Variants in CYB5A observed in about 807,000 individuals in gnomAD.
CYB5A encodes the protein cytochrome b5 type A.
A neutral mutation model predicts 16.2 loss-of-function variants in CYB5A; 10 were observed. The observed-to-expected ratio is 0.62, with a 90% CI of 0.38 to 1.04. The LOEUF (loss-of-function observed/expected upper bound fraction) is 1.04. CYB5A is among the 50% of genes least tolerant of loss of function. The pLI is 0.01. For missense variants in CYB5A, 161 were observed against 165.9 expected, an observed-to-expected ratio of 0.97 and a Z score of 0.16; for synonymous variants, 62 against 57.0, an observed-to-expected ratio of 1.09 and a Z score of -0.40.
intron 1 of CYB5A, among the ~76,000 whole-genome samples, chr18:74,267,009 A>G (rs919729908): frequency 1.3e-5 from 2 of 152,200 alleles, no homozygotes; most frequent in Admixed American, 1.3e-4. Context: ...GCTTTTTGTA[A>G]TATCTAATAT....
intron 1 of CYB5A, among the ~76,000 whole-genome samples, chr18:74,275,346 A>T (rs1982828985): frequency 6.6e-6 from 1 of 152,174 alleles, no homozygotes; most frequent in Non-Finnish European, 1.5e-5. Flanking sequence ...ATCTTCCAGA[A>T]GTCTTCCTTC....
At chr18:74,288,320 C>T (rs542920188) in intron 1 of CYB5A, among the ~76,000 whole-genome samples, 16 of 152,314 alleles carry the variant, frequency 1.1e-4, no homozygotes, top group African/African-American at 3.1e-4. Context: ...CTAGGACATT[C>T]TGAAAGAAGG....
intron 1 of CYB5A, among the ~76,000 whole-genome samples, chr18:74,269,821 C>T (rs1242272231): frequency 6.6e-6 from 1 of 152,160 alleles, no homozygotes; most frequent in Admixed American, 6.5e-5. Flanking sequence ...AGCTGGTCTC[C>T]CATCCTCCCT....
intron 1 of CYB5A, among the ~76,000 whole-genome samples, chr18:74,278,735 T>C (rs550942620): frequency 1.3e-5 from 2 of 152,348 alleles, no homozygotes; most frequent in East Asian, 3.9e-4. Flanking sequence ...CTGGCAATCA[T>C]CCTGCAGAAT....
chr18:74,281,615 G>A (rs577686609), intron 1 of CYB5A, among the ~76,000 whole-genome samples: 2 of 152,284 alleles, frequency 1.3e-5, no homozygotes, highest in South Asian at 4.1e-4. Flanking sequence ...TGGTGAACAG[G>A]TGTGGTTTAA....
chr18:74,276,574 G>A (rs1451156613), intron 1 of CYB5A, among the ~76,000 whole-genome samples: 1 of 148,140 alleles, frequency 6.8e-6, no homozygotes, highest in East Asian at 2.0e-4. Context: ...CCTTCTGTCA[G>A]GGTTCCACTT....
At chr18:74,266,365 G>A (rs1982435686) in intron 1 of CYB5A, among the ~76,000 whole-genome samples, 1 of 152,174 alleles carries the variant, frequency 6.6e-6, no homozygotes, top group Non-Finnish European at 1.5e-5. Flanking sequence ...GAACTCAGGA[G>A]CTGCCGTAAC....
chr18:74,255,964 T>G (rs1161925756), intron 3 of CYB5A, 189 bp from the exon 4 acceptor site: 6 of 582,760 alleles, frequency 1.0e-5, no homozygotes, highest in Non-Finnish European at 1.8e-5. Flanking sequence ...GAGTAAAACA[T>G]TTTAATCATT....
chr18:74,255,284 T>C (rs17804219), intron 4 of CYB5A, among the ~76,000 whole-genome samples: 16,481 of 152,180 alleles, frequency 0.11, 986 homozygotes, highest in South Asian at 0.21. Context: ...CCTAGAACAA[T>C]TGAGTCGTGC....
At chr18:74,278,635 T>A (rs1265890258) in intron 1 of CYB5A, among the ~76,000 whole-genome samples, 1 of 152,200 alleles carries the variant, frequency 6.6e-6, no homozygotes, top group Non-Finnish European at 1.5e-5. Context: ...AGAAACATCC[T>A]ATGATAAAAA....
chr18:74,285,814 G>A (rs544837785), intron 1 of CYB5A, among the ~76,000 whole-genome samples: 2 of 147,144 alleles, frequency 1.4e-5, no homozygotes, highest in East Asian at 2.0e-4. Context: ...ATCACACCAC[G>A]GCCTGGGCAA....
chr18:74,279,975 C>T (rs904337363), intron 1 of CYB5A, among the ~76,000 whole-genome samples: 1 of 152,078 alleles, frequency 6.6e-6, no homozygotes, highest in African/African-American at 2.4e-5. Flanking sequence ...CACAGAGAAG[C>T]AAAAACTAAT....
At chr18:74,269,840 T>C (rs1001925334) in intron 1 of CYB5A, among the ~76,000 whole-genome samples, 61 of 152,252 alleles carry the variant, frequency 4.0e-4, no homozygotes, top group Non-Finnish European at 4.0e-4. Flanking sequence ...CTAGCATCAG[T>C]TCCCCTGAGA....
chr18:74,270,349 G>C (rs1208670630), intron 1 of CYB5A, among the ~76,000 whole-genome samples: 2 of 152,138 alleles, frequency 1.3e-5, no homozygotes, highest in Admixed American at 1.3e-4. Context: ...GAGGCAAGAA[G>C]TTCAATGTCG....
chr18:74,254,811 C>T (rs766013574), intron 4 of CYB5A, among the ~76,000 whole-genome samples: 14 of 152,112 alleles, frequency 9.2e-5, no homozygotes, highest in East Asian at 1.9e-4. Flanking sequence ...TGAGCCACCG[C>T]GCCTGGCCTC....
chr18:74,280,906 GC>G (rs1426315300), intron 1 of CYB5A, among the ~76,000 whole-genome samples: 1 of 152,216 alleles, frequency 6.6e-6, no homozygotes, highest in Non-Finnish European at 1.5e-5. Flanking sequence ...AGTGTAATCA[GC>G]CCTTGAAGGG....
intron 1 of CYB5A, among the ~76,000 whole-genome samples, chr18:74,265,763 G>C (rs552508723): frequency 1.3e-5 from 2 of 152,184 alleles, no homozygotes; most frequent in Admixed American, 1.3e-4. Context: ...CACATCTCAT[G>C]GCGAGAGAGG....
At chr18:74,272,553 C>G (rs1234644467) in intron 1 of CYB5A, among the ~76,000 whole-genome samples, 1 of 152,174 alleles carries the variant, frequency 6.6e-6, no homozygotes, top group Non-Finnish European at 1.5e-5. Context: ...AAGTTCCTGT[C>G]TGGATAATGA....
At chr18:74,280,890 TG>T (rs1983072489) in intron 1 of CYB5A, among the ~76,000 whole-genome samples, 2 of 152,180 alleles carry the variant, frequency 1.3e-5, no homozygotes, top group African/African-American at 4.8e-5. Flanking sequence ...AGTCTTAAAA[TG>T]GGGCAGTGTA....
Sources: gnomAD v4.1 joint callset for allele counts (sites outside exome capture counted in the v4.1 genomes callset) on GRCh38, gnomAD v4.1.1 for gene constraint, MANE v1.5 for transcripts, NCBI Gene and HGNC (gene_info 2026-07-23, HGNC 2026-07-21) for gene names.